MSH6: variants seen among roughly 807,000 people sequenced by gnomAD.
MSH6 encodes mutS homolog 6.
A neutral mutation model predicts 119.1 loss-of-function variants in MSH6; 85 were observed. That is an observed-to-expected ratio of 0.71 (90% confidence interval 0.60 to 0.85). The LOEUF is 0.85. Ranked by LOEUF, MSH6 falls within the 40% of genes least tolerant of loss-of-function variation. MSH6 has a pLI of 0.00. For synonymous variants in MSH6, 830 were observed against 586.9 expected, an observed-to-expected ratio of 1.41 and a Z score of -5.99; for missense variants, 2,163 against 1,655.3, an observed-to-expected ratio of 1.31 and a Z score of -5.32.
In MSH6 at chr2:47,783,808, C is replaced by T. The variant is rs1205596167; in HGVS notation, c.260+315C>T. 3 of 544,454 alleles carry T rather than the reference C, an allele frequency of 5.5e-6. No homozygotes were observed. In the African/African-American group the frequency reaches 6.5e-5, roughly 12 times the overall value. 33.7% of individuals were successfully genotyped at this position (544,454 alleles called of 1,614,324 possible). A position where few individuals can be genotyped will look rare whatever the true frequency, so the allele number is the denominator to read the frequency against. ...GGGTGCTGGGCTAAGGAAGGGGCGA[C>T]GCGCGCAGCTCCGGGTGGGGAGGGG... On this transcript the variant is annotated intron_variant, in intron 1 of 9. Transcript: ENST00000234420.
At chr2:47,787,005 T>C (rs909401515) in intron 1 of MSH6, among the ~76,000 whole-genome samples, 1 of 152,230 alleles carries the variant, frequency 6.6e-6, no homozygotes, top group Non-Finnish European at 1.5e-5. Flanking sequence ...TCTCTGTGGT[T>C]AGTGTTTCTA....
Position 47,806,534 on chromosome 2 carries a change from C to T in MSH6, c.3884C>T (p.Pro1295Leu), listed in dbSNP as rs758181932. Residue 1295 changes from proline to leucine, a missense_variant, in exon 9 of 10, where the codon CCT becomes CTT. By Grantham distance (98) the Pro-to-Leu change is moderately conservative. Transcript: ENST00000234420. ...TATAAATTCATTAAGGGAGCTTGTCCTAAAAGCTATGGCTTTAATGCAGCA... is the reference window on the plus strand; with the variant it reads ...TATAAATTCATTAAGGGAGCTTGTCTTAAAAGCTATGGCTTTAATGCAGCA... The part of the protein sequence containing the change: ...FLYKFIKGAC[P>L]KSYGFNAARL... 3 of 1,613,852 alleles carry T rather than the reference C, an allele frequency of 1.9e-6. No individual in the cohort carries two copies. Among genetic ancestry groups the T allele is most frequent in the Non-Finnish European group, 2.5e-6 (3 of 1,179,884 alleles).
intron 3 of MSH6, 146 bp from the exon 4 acceptor site, chr2:47,798,465 G>A (rs1363410347): frequency 1.3e-6 from 1 of 788,898 alleles, no homozygotes; most frequent in Non-Finnish European, 2.0e-6. Flanking sequence ...CCTATCTCAT[G>A]TAATTCATCG....
intron 3 of MSH6, among the ~76,000 whole-genome samples, chr2:47,796,686 TGTGGTG>T (rs1669116338): frequency 6.6e-6 from 1 of 152,188 alleles, no homozygotes; most frequent in African/African-American, 2.4e-5. Context: ...AGGGGCCAGG[TGTGGTG>T]GTTAATGCCT....
chr2:47,790,114 A>G (rs1320436662), intron 1 of MSH6, among the ~76,000 whole-genome samples: 2 of 152,162 alleles, frequency 1.3e-5, no homozygotes, highest in Non-Finnish European at 2.9e-5. Context: ...AGAATGCTTA[A>G]CTTGTATGTT....
intron 4 of MSH6, 31 bp downstream of exon 4, chr2:47,801,186 T>G (rs1453474057): frequency 6.2e-7 from 1 of 1,603,834 alleles, no homozygotes; most frequent in Non-Finnish European, 8.5e-7. Context: ...GTTCTCAGGC[T>G]TTGATAAGTA....
At chr2:47,793,601 C>G (rs555594066) in intron 2 of MSH6, among the ~76,000 whole-genome samples, 1 of 150,542 alleles carries the variant, frequency 6.6e-6, no homozygotes, top group South Asian at 2.1e-4. Context: ...AGTGAGACTT[C>G]ATCTCAAAAA....
In MSH6 at chr2:47,800,943, C is replaced by T. The variant is rs587779928; in HGVS notation, c.2960C>T (p.Thr987Ile). 6 of 1,573,530 alleles carry T rather than the reference C, an allele frequency of 3.8e-6. No individual in the cohort carries two copies. Among genetic ancestry groups the T allele is most frequent in the Non-Finnish European group, 4.3e-6 (5 of 1,161,402 alleles). Residue 987 changes from threonine (T) to isoleucine (I), a missense_variant, in exon 4 of 10, where the codon ACT becomes ATT. By Grantham distance (89) the Thr-to-Ile change is moderately conservative (BLOSUM62 -1). Transcript: ENST00000234420. ...CTGGAAATTCCTGAGAATTTCACCA[C>T]TCGCAATTTGCCAGAAGAATACGAG... ...YQLEIPENFT[T>I]RNLPEEYELK...
rs1301670893 is a variant in MSH6, at chr2:47,798,782, C to T, written c.799C>T (p.Pro267Ser). 3 of 1,614,024 alleles carry T rather than the reference C, an allele frequency of 1.9e-6. No homozygotes were observed. Among genetic ancestry groups the T allele is most frequent in the Non-Finnish European group, 8.5e-7 (1 of 1,180,022 alleles). Reference protein sequence around the residue: ...DIGGSDVEFKPDTKEEGSSDE... With the variant: ...DIGGSDVEFKSDTKEEGSSDE... ...TGGTGGCTCTGATGTGGAATTTAAG[C>T]CAGACACTAAGGAGGAAGGAAGCAG... The change falls in exon 4 of 10, where the codon CCA (proline) becomes TCA (serine). Residue 267 changes from proline (P) to serine (S), a missense_variant. By Grantham distance (74) the Pro-to-Ser change is moderately conservative (BLOSUM62 -1). Coordinates refer to ENST00000234420, the MANE Select transcript of MSH6 (RefSeq NM_000179.3).
At chr2:47,798,553 T>TA (rs1669233313) in intron 3 of MSH6, 58 bp from the exon 4 acceptor site, 1 of 1,574,224 alleles carries the variant, frequency 6.4e-7, no homozygotes, top group Non-Finnish European at 8.6e-7. Context: ...TGAACTGTCT[T>TA]ACATTATGGT....
chr2:47,804,786 G>A (rs999306481), intron 5 of MSH6, 124 bp from the exon 6 acceptor site: 9 of 783,818 alleles, frequency 1.1e-5, no homozygotes, highest in Admixed American at 5.4e-5. Context: ...CAGAACCAAC[G>A]TACATGTGAT....
rs876659020 is a variant in MSH6, at chr2:47,783,368, C to T, written c.135C>T (p.Gly45=). The T allele has an allele frequency of 6.2e-7, 1 of 1,602,032 alleles. No individual in the cohort carries two copies. Among genetic ancestry groups the T allele is most frequent in the Non-Finnish European group, 8.5e-7 (1 of 1,174,508 alleles). Residue 45 remains glycine (G), a synonymous_variant, in exon 1 of 10, where the codon GGC becomes GGT. Transcript: ENST00000234420. The part of the protein sequence containing the change: ...AAAPGASPSP[G]GDAAWSEAGP... ...CCCCCGGGGCCTCTCCTTCCCCAGGCGGGGATGCGGCCTGGAGCGAGGCTG... is the reference window on the plus strand; with the variant it reads ...CCCCCGGGGCCTCTCCTTCCCCAGGTGGGGATGCGGCCTGGAGCGAGGCTG...
At chr2:47,805,910 C>T (rs1318731670) in intron 7 of MSH6, among the ~76,000 whole-genome samples, 2 of 152,136 alleles carry the variant, frequency 1.3e-5, no homozygotes, top group Admixed American at 6.6e-5. Context: ...AATTATTAGG[C>T]CTTACACTGT....
intron 1 of MSH6, among the ~76,000 whole-genome samples, chr2:47,785,320 C>T (rs945132754): frequency 6.6e-6 from 1 of 152,090 alleles, no homozygotes; most frequent in East Asian, 1.9e-4. Flanking sequence ...CTCTGCCCGC[C>T]GGGTTCAAGT....
intron 2 of MSH6, among the ~76,000 whole-genome samples, chr2:47,792,150 A>G (rs1668770102): frequency 6.6e-6 from 1 of 151,956 alleles, no homozygotes; most frequent in African/African-American, 2.4e-5. Context: ...CCAGCCGCCC[A>G]GCTAATTTTT....
chr2:47,806,165 C>T (rs1553332937), intron 7 of MSH6, 39 bp from the exon 8 acceptor site: 1 of 1,573,944 alleles, frequency 6.4e-7, no homozygotes, highest in Admixed American at 1.7e-5. Flanking sequence ...TGTTTTAATT[C>T]CTTTGAGTTA....
chr2:47,800,282 A>T lies in MSH6; in HGVS notation c.2299A>T (p.Thr767Ser), dbSNP rs774452933. 2 of 1,613,824 alleles carry T rather than the reference A, an allele frequency of 1.2e-6. No individual in the cohort carries two copies. The highest frequency in any genetic ancestry group is 1.7e-6 in the Non-Finnish European group (2 of 1,179,954). The change falls in exon 4 of 10, where the codon ACT (threonine) becomes TCT (serine). Residue 767 changes from threonine (T) to serine (S), a missense_variant. Thr to Ser is a moderately conservative substitution (Grantham distance 58). Transcript: ENST00000234420. ...TLLERVDTCH[T>S]PFGKRLLKQW... ...ACTAGAGAGGGTTGATACTTGCCAT[A>T]CTCCTTTTGGTAAGCGGCTCCTAAA...
At chr2:47,790,792 C>A in intron 1 of MSH6, 135 bp from the exon 2 acceptor site, 1 of 796,906 alleles carries the variant, frequency 1.3e-6, no homozygotes, top group Non-Finnish European at 2.1e-6. Flanking sequence ...GAATATCTGA[C>A]TTTAAAAATT....
intron 1 of MSH6, among the ~76,000 whole-genome samples, chr2:47,788,922 G>GTTTTTTTTTTTTTTTTTTTTTTTT (rs1558650240): frequency 2.4e-4 from 10 of 40,956 alleles, no homozygotes; most frequent in Admixed American, 3.9e-4. Flanking sequence ...TTTTTTTTTT[G>GTTTTTTTTTTTTTTTTTTTTTTTT]TTTTTTTTTT....
Sources: gnomAD v4.1 joint callset for allele counts (sites outside exome capture counted in the v4.1 genomes callset) on GRCh38, gnomAD v4.1.1 for gene constraint, MANE v1.5 for transcripts, NCBI Gene and HGNC (gene_info 2026-07-23, HGNC 2026-07-21) for gene names.